The following USP12 variants were observed in gnomAD, a reference collection of about 807,000 sequenced individuals.
USP12 encodes ubiquitin carboxyl-terminal hydrolase 12.
Under a neutral mutation model 45.5 loss-of-function variants are expected in USP12, and 19 were observed. The observed-to-expected ratio is 0.42, with a 90% CI of 0.29 to 0.61. USP12 has a LOEUF of 0.61. Among genes scored for constraint, USP12 ranks in the 20% least tolerant of loss-of-function variants. The pLI, the probability that USP12 is intolerant of heterozygous loss-of-function variation, is 0.22. For missense variants in USP12, 242 were observed against 447.7 expected (o/e 0.54, Z 4.15); for synonymous variants, 149 against 148.8 (o/e 1.00, Z -0.01).
chr13:27,091,415 TA>T (rs933011771), intron 4 of USP12, among the ~76,000 whole-genome samples: 2 of 152,216 alleles, frequency 1.3e-5, no homozygotes, highest in Non-Finnish European at 2.9e-5. Flanking sequence ...TGTAAAAACC[TA>T]GACACAAGGA....
chr13:27,148,814 A>ACACACACACACACACACACACAC (rs1555238422), intron 1 of USP12, among the ~76,000 whole-genome samples: 5 of 150,836 alleles, frequency 3.3e-5, no homozygotes, highest in Admixed American at 6.6e-5. Flanking sequence ...ACACACACAC[A>ACACACACACACACACACACACAC]AAAATCAGGT....
chr13:27,083,119 G>A (rs185116373), intron 6 of USP12, among the ~76,000 whole-genome samples: 1 of 152,334 alleles, frequency 6.6e-6, no homozygotes, highest in African/African-American at 2.4e-5. Context: ...ACAGGTGTGA[G>A]TCACTGCACC....
intron 3 of USP12, among the ~76,000 whole-genome samples, chr13:27,100,448 A>C (rs564062114): frequency 6.6e-6 from 1 of 152,148 alleles, no homozygotes; most frequent in African/African-American, 2.4e-5. Flanking sequence ...CTCAATCACA[A>C]AAGTGCCCAA....
chr13:27,112,774 C>A (rs566371343), intron 2 of USP12, among the ~76,000 whole-genome samples: 1 of 152,240 alleles, frequency 6.6e-6, no homozygotes, highest in East Asian at 1.9e-4. Flanking sequence ...AGAGTATAGG[C>A]ACCAGTCTCA....
intron 1 of USP12, among the ~76,000 whole-genome samples, chr13:27,169,324 G>A (rs1161694610): frequency 6.6e-6 from 1 of 152,102 alleles, no homozygotes; most frequent in African/African-American, 2.4e-5. Flanking sequence ...CAGACAAGAA[G>A]GATACGGGGT....
chr13:27,070,646 C>T (rs1417048123), intron 8 of USP12, among the ~76,000 whole-genome samples: 3 of 151,910 alleles, frequency 2.0e-5, no homozygotes, highest in Non-Finnish European at 2.9e-5. Flanking sequence ...CTCCGCCTCC[C>T]GGGTTCAAGC....
In USP12 at chr13:27,098,310, A is replaced by G. The variant is rs1055352525; in HGVS notation, c.344-2480T>C. Among the ~76,000 whole-genome samples the G allele has an allele frequency of 5.3e-5, 8 of 152,108 alleles. No homozygotes were observed. In the East Asian group the frequency reaches 1.3e-3, roughly 26 times the overall value. ...AAATGAAGACAAGTGACGAACAAGG[A>G]TAATTATTTGCATATTAATATCCAG... On this transcript the variant is annotated intron_variant, in intron 3 of 8. Transcript: ENST00000282344.
At chr13:27,119,176 A>G (rs911201214) in intron 1 of USP12, among the ~76,000 whole-genome samples, 9 of 152,248 alleles carry the variant, frequency 5.9e-5, no homozygotes, top group Non-Finnish European at 1.3e-4. Context: ...ACAGTAATAC[A>G]TCTTTTCTGC....
chr13:27,151,514 GC>G (rs1456491811), intron 1 of USP12, among the ~76,000 whole-genome samples: 4 of 152,034 alleles, frequency 2.6e-5, no homozygotes, highest in Non-Finnish European at 5.9e-5. Flanking sequence ...AGGCAGGGTG[GC>G]TAATGCCTGT....
At chr13:27,170,793 A>C (rs2137855074) in intron 1 of USP12, among the ~76,000 whole-genome samples, 1 of 152,364 alleles carries the variant, frequency 6.6e-6, no homozygotes, top group East Asian at 1.9e-4. Context: ...TAAACAAATG[A>C]CAGGAAAGCT....
rs549108673 is a variant in USP12 at position 27,072,536 on chromosome 13, A to G, written c.933-1387T>C. ...AGATACAAATGCGTAAGGTATGCAA[A>G]TAACTATTGATTGCTGTGGAGATTA... On this transcript the variant is annotated intron_variant, in intron 7 of 8. Transcript: ENST00000282344. Among the ~76,000 whole-genome samples, 4 of 152,322 alleles carry G rather than the reference A, an allele frequency of 2.6e-5. No individual in the cohort carries two copies. The South Asian group carries it at 6.2e-4, about 24-fold the overall frequency.
chr13:27,126,660 A>G (rs1196497185), intron 1 of USP12, among the ~76,000 whole-genome samples: 1 of 152,186 alleles, frequency 6.6e-6, no homozygotes, highest in African/African-American at 2.4e-5. Flanking sequence ...ACACTGCCTC[A>G]GTTTTCTCAT....
intron 6 of USP12, among the ~76,000 whole-genome samples, chr13:27,083,578 A>G (rs959002589): frequency 6.6e-6 from 1 of 152,170 alleles, no homozygotes; most frequent in African/African-American, 2.4e-5. Flanking sequence ...ATAAACGTAT[A>G]TGACCATTAG....
At chr13:27,148,297 A>T (rs1057311771) in intron 1 of USP12, among the ~76,000 whole-genome samples, 1 of 152,110 alleles carries the variant, frequency 6.6e-6, no homozygotes, top group Admixed American at 6.6e-5. Context: ...TGTAACAGCA[A>T]TTGTTAATTA....
At chr13:27,075,046 T>C (rs1448530664) in intron 7 of USP12, 145 bp downstream of exon 7, 1 of 676,578 alleles carries the variant, frequency 1.5e-6, no homozygotes, top group African/African-American at 1.9e-5. Flanking sequence ...AACATAAAGC[T>C]AAAACTCCAT....
chr13:27,112,713 C>A (rs778879280), intron 2 of USP12, among the ~76,000 whole-genome samples: 1 of 152,050 alleles, frequency 6.6e-6, no homozygotes. Context: ...TGCCATCAAC[C>A]CTTTGACATC....
At chr13:27,138,410 A>G (rs1413910949) in intron 1 of USP12, among the ~76,000 whole-genome samples, 6 of 152,222 alleles carry the variant, frequency 3.9e-5, no homozygotes, top group Admixed American at 3.9e-4. Flanking sequence ...AACAGAAGCA[A>G]TGTCTTGGGC....
intron 1 of USP12, among the ~76,000 whole-genome samples, chr13:27,153,553 A>G (rs1211983298): frequency 6.6e-6 from 1 of 152,210 alleles, no homozygotes; most frequent in African/African-American, 2.4e-5. Context: ...GCTATCATCC[A>G]TTAATCGGTA....
At chr13:27,099,567 C>T (rs1345989808) in intron 3 of USP12, among the ~76,000 whole-genome samples, 1 of 152,182 alleles carries the variant, frequency 6.6e-6, no homozygotes, top group African/African-American at 2.4e-5. Flanking sequence ...ACTTAACCCA[C>T]TAAGTCTCCT....
Sources: gnomAD v4.1 joint callset for allele counts (sites outside exome capture counted in the v4.1 genomes callset) on GRCh38, gnomAD v4.1.1 for gene constraint, MANE v1.5 for transcripts, NCBI Gene and HGNC (gene_info 2026-07-23, HGNC 2026-07-21) for gene names.